Variants in SLC24A2 observed in about 807,000 individuals in gnomAD.
The protein encoded by SLC24A2 is solute carrier family 24 member 2.
In SLC24A2, 36 loss-of-function variants were observed where a neutral mutation model predicts 62.0. The ratio of observed to expected loss-of-function variants is 0.58; its 90% CI spans 0.44 to 0.77. The LOEUF is 0.77. SLC24A2 is among the 30% of genes least tolerant of loss of function. The pLI is 0.00. For missense variants in SLC24A2, 846 were observed against 817.9 expected, an observed-to-expected ratio of 1.03 and a Z score of -0.42; for synonymous variants, 358 against 294.0, an observed-to-expected ratio of 1.22 and a Z score of -2.23.
intron 2 of SLC24A2, among the ~76,000 whole-genome samples, chr9:19,777,731 G>GTA (rs1822886407): frequency 6.6e-6 from 1 of 152,050 alleles, no homozygotes; most frequent in African/African-American, 2.4e-5. Context: ...ATATGCATGT[G>GTA]TATATGTATG....
At chr9:19,982,175 A>G in the SLC24A2 span, among the ~76,000 whole-genome samples, 5 of 152,154 alleles carry the variant, frequency 3.3e-5, no homozygotes, top group African/African-American at 1.2e-4. Context: ...AAGATGGGCA[A>G]TGGGTTTCAT....
At chr9:20,275,899 G>A in the SLC24A2 span, among the ~76,000 whole-genome samples, 4 of 152,076 alleles carry the variant, frequency 2.6e-5, no homozygotes, top group African/African-American at 4.8e-5. Flanking sequence ...CAGGTCTCGC[G>A]AGACTTATTC....
chr9:19,829,493 C>A, the SLC24A2 span, among the ~76,000 whole-genome samples: 6 of 152,034 alleles, frequency 3.9e-5, no homozygotes, highest in Non-Finnish European at 8.8e-5. Flanking sequence ...GAAAATGGAA[C>A]CTAAAAAGCT....
chr9:19,628,214 T>A (rs941168704), intron 2 of SLC24A2, among the ~76,000 whole-genome samples: 10 of 152,206 alleles, frequency 6.6e-5, no homozygotes, highest in Non-Finnish European at 1.3e-4. Flanking sequence ...AGAACAGAAC[T>A]GTGTGCTTCT....
At chr9:19,844,995 AG>A in the SLC24A2 span, among the ~76,000 whole-genome samples, 1 of 148,464 alleles carries the variant, frequency 6.7e-6, no homozygotes, top group African/African-American at 2.5e-5. Flanking sequence ...TTGGCTATTC[AG>A]GCTCTTTTTT....
the SLC24A2 span, among the ~76,000 whole-genome samples, chr9:20,168,113 A>C: frequency 6.6e-6 from 1 of 152,030 alleles, no homozygotes; most frequent in Non-Finnish European, 1.5e-5. Flanking sequence ...TGATGTGTGC[A>C]TATATCAATC....
At chr9:20,088,640 G>A in the SLC24A2 span, among the ~76,000 whole-genome samples, 514 of 152,222 alleles carry the variant, frequency 3.4e-3, 2 homozygotes, top group African/African-American at 0.012. Context: ...GGGCTTTGGA[G>A]AGTCCACAGT....
chr9:19,709,878 T>A (rs1820662572), intron 2 of SLC24A2, among the ~76,000 whole-genome samples: 1 of 151,880 alleles, frequency 6.6e-6, no homozygotes, highest in Admixed American at 6.6e-5. Flanking sequence ...TGTGCACATG[T>A]ACCCTAAAGC....
At chr9:20,291,937 A>G in the SLC24A2 span, among the ~76,000 whole-genome samples, 1 of 152,148 alleles carries the variant, frequency 6.6e-6, no homozygotes, top group Admixed American at 6.5e-5. Flanking sequence ...GGAGGGAGTG[A>G]AGGGGGCAGG....
At chr9:19,805,702 G>GTTC in the SLC24A2 span, among the ~76,000 whole-genome samples, 2 of 151,428 alleles carry the variant, frequency 1.3e-5, no homozygotes, top group African/African-American at 4.8e-5. Context: ...ACCCTGATTG[G>GTTC]TTCTTTTTGA....
chr9:19,973,315 C>T, the SLC24A2 span, among the ~76,000 whole-genome samples: 1 of 152,238 alleles, frequency 6.6e-6, no homozygotes, highest in South Asian at 2.1e-4. Flanking sequence ...TTTTCTCTTG[C>T]TCCTTCTGCA....
chr9:20,288,727 G>C, the SLC24A2 span, among the ~76,000 whole-genome samples: 1 of 143,228 alleles, frequency 7.0e-6, no homozygotes, highest in Non-Finnish European at 1.5e-5. Flanking sequence ...CACTGATGGA[G>C]TGAGACTCTG....
At chr9:19,609,215 G>C (rs1259422502) in intron 4 of SLC24A2, among the ~76,000 whole-genome samples, 1 of 152,226 alleles carries the variant, frequency 6.6e-6, no homozygotes. Flanking sequence ...CACTGCTTCA[G>C]GAATGAGGGC....
the SLC24A2 span, among the ~76,000 whole-genome samples, chr9:19,837,154 T>C: frequency 6.6e-6 from 1 of 152,120 alleles, no homozygotes; most frequent in African/African-American, 2.4e-5. Flanking sequence ...AGCGTTCCCT[T>C]TGAAAACTGG....
At chr9:19,592,702 A>T (rs972675688) in intron 5 of SLC24A2, among the ~76,000 whole-genome samples, 10 of 152,156 alleles carry the variant, frequency 6.6e-5, no homozygotes, top group African/African-American at 2.4e-4. Flanking sequence ...ATTCTATATT[A>T]TTATTCAGAA....
At chr9:19,655,149 A>C (rs1352171486) in intron 2 of SLC24A2, among the ~76,000 whole-genome samples, 1 of 152,262 alleles carries the variant, frequency 6.6e-6, no homozygotes. Flanking sequence ...TCTCAAATTC[A>C]GAAGTATGGA....
At chr9:20,208,439 C>G in the SLC24A2 span, among the ~76,000 whole-genome samples, 1 of 152,178 alleles carries the variant, frequency 6.6e-6, no homozygotes, top group Admixed American at 6.5e-5. Context: ...GGTCTGTATT[C>G]ATTGCACATA....
chr9:19,555,784 A>G (rs1175467761), intron 7 of SLC24A2, among the ~76,000 whole-genome samples: 1 of 152,084 alleles, frequency 6.6e-6, no homozygotes. Context: ...ATCTCTACTA[A>G]AAATACAAAA....
rs542300755 is a variant in SLC24A2, at chr9:19,639,189, G to T, written c.931-16890C>A. 7.7e-3 allele frequency among the ~76,000 whole-genome samples: 1,168 copies of T among 152,166 alleles called. 15 individuals are homozygous for T. The highest frequency in any genetic ancestry group is 0.027 in the African/African-American group (1,107 of 41,502). On this transcript the variant is annotated intron_variant, in intron 2 of 10. Transcript: ENST00000341998. ...TCCTCCATAATAACCTTGTTAAAAA[G>T]CACCACTTTATTATAGGTAATTGAG...
Sources: gnomAD v4.1 joint callset for allele counts (sites outside exome capture counted in the v4.1 genomes callset) on GRCh38, gnomAD v4.1.1 for gene constraint, MANE v1.5 for transcripts, NCBI Gene and HGNC (gene_info 2026-07-23, HGNC 2026-07-21) for gene names.